The following CDC42BPB variants were observed in gnomAD, a reference collection of about 807,000 sequenced individuals.
CDC42BPB encodes CDC42 binding protein kinase beta, also known as serine/threonine-protein kinase MRCK beta.
A neutral mutation model predicts 214.9 loss-of-function variants in CDC42BPB; 37 were observed. The ratio of observed to expected loss-of-function variants is 0.17; its 90% CI spans 0.13 to 0.23. CDC42BPB has a LOEUF of 0.23. Among genes scored for constraint, CDC42BPB ranks in the 10% least tolerant of loss-of-function variants. The pLI is 1.00. For synonymous variants in CDC42BPB, 931 were observed against 884.0 expected, an observed-to-expected ratio of 1.05 and a Z score of -0.94; for missense variants, 1,694 against 2,227.0, an observed-to-expected ratio of 0.76 and a Z score of 4.82.
At chr14:103,038,637 C>T (rs559435897) in intron 1 of CDC42BPB, among the ~76,000 whole-genome samples, 2 of 150,810 alleles carry the variant, frequency 1.3e-5, no homozygotes, top group African/African-American at 4.9e-5. Context: ...AGCAATCCTC[C>T]CACCTCAGCC....
At chr14:102,936,361 G>T (rs1218466796) in intron 36 of CDC42BPB, among the ~76,000 whole-genome samples, 4 of 152,176 alleles carry the variant, frequency 2.6e-5, no homozygotes, top group Non-Finnish European at 5.9e-5. Flanking sequence ...TGCCTCAGGG[G>T]AAGAATGGGA....
Position 102,974,145 on chromosome 14 carries a change from T to G in CDC42BPB, c.1512A>C (p.Ser504=), listed in dbSNP as rs760537299. The G allele has an allele frequency of 6.2e-7, 1 of 1,613,456 alleles. No individual in the cohort carries two copies. The highest frequency in any genetic ancestry group is 1.1e-5 in the South Asian group (1 of 90,924). The part of the protein sequence containing the change: ...IERLKNKIAD[S]NRLERQLEDT... ...CCTCAAGCTGTCGCTCGAGCCTGTTTGAATCTGGACAAAAGAGGAAATAAA... is the reference window on the plus strand; with the variant it reads ...CCTCAAGCTGTCGCTCGAGCCTGTTGGAATCTGGACAAAAGAGGAAATAAA... Residue 504 remains serine, a synonymous_variant, in exon 12 of 37, where the codon TCA becomes TCC. Coordinates refer to ENST00000361246, the MANE Select transcript of CDC42BPB (RefSeq NM_006035.4).
chr14:103,049,034 A>C (rs1888459611), intron 1 of CDC42BPB, among the ~76,000 whole-genome samples: 1 of 152,252 alleles, frequency 6.6e-6, no homozygotes. Flanking sequence ...CTGAATTACC[A>C]ATTTAAACAA....
intron 21 of CDC42BPB, among the ~76,000 whole-genome samples, chr14:102,959,323 C>T (rs898910465): frequency 1.3e-5 from 2 of 151,234 alleles, no homozygotes; most frequent in South Asian, 4.2e-4. Flanking sequence ...ATACTCACTA[C>T]ACAGCTGAGG....
chr14:102,945,584 A>G lies in CDC42BPB; in HGVS notation c.3811+78T>C, dbSNP rs1232264728. The G allele has an allele frequency of 3.9e-6, 5 of 1,291,126 alleles. No homozygotes were observed. The African/African-American group carries it at 7.3e-5, about 19-fold the overall frequency. 80.0% of individuals were successfully genotyped at this position (1,291,126 alleles called of 1,614,324 possible). A position where few individuals can be genotyped will look rare whatever the true frequency, so the allele number is the denominator to read the frequency against. ...AAGCGCATTTGTCTTAACCCTTAGG[A>G]GCTACTGACCCTGTGCTGTCTGCAG... On this transcript the variant is annotated intron_variant, in intron 29 of 36. Coordinates refer to ENST00000361246, the MANE Select transcript of CDC42BPB (RefSeq NM_006035.4).
At position 102,975,971 on chromosome 14, in the gene CDC42BPB, G is replaced by T; in HGVS notation, c.1299C>A (p.Asp433Glu). 3 of 1,614,178 alleles carry T rather than the reference G, an allele frequency of 1.9e-6. No individual in the cohort carries two copies. Among genetic ancestry groups the T allele is most frequent in the Non-Finnish European group, 2.5e-6 (3 of 1,180,040 alleles). The stretch of plus-strand genomic sequence containing the variant: ...CTTCCATCTGCAGGCTGTGCTCCAG[G>T]TCCCGCTGCACATCCTCATCTTTGG... ...TLTKDEDVQR[D>E]LEHSLQMEAY... The change falls in exon 10 of 37, where the codon GAC becomes GAA. Residue 433 changes from aspartate to glutamate, a missense_variant. Physicochemically the swap from Asp to Glu is conservative, Grantham distance 45. Transcript: ENST00000361246.
intron 4 of CDC42BPB, chr14:103,000,019 C>T: frequency 8.8e-6 from 4 of 453,318 alleles, no homozygotes; most frequent in Non-Finnish European, 1.2e-5. Flanking sequence ...TGACCCAAAG[C>T]AGAAGCACAG....
intron 21 of CDC42BPB, among the ~76,000 whole-genome samples, chr14:102,958,751 T>C (rs879788937): frequency 6.6e-6 from 1 of 152,082 alleles, no homozygotes; most frequent in Non-Finnish European, 1.5e-5. Flanking sequence ...ACTGTTCCCA[T>C]CAACCACCTT....
Position 102,968,531 on chromosome 14 carries a change from C to T in CDC42BPB, c.2181G>A (p.Leu727=). The T allele has an allele frequency of 1.2e-6, 2 of 1,614,206 alleles. No individual in the cohort carries two copies. The highest frequency in any genetic ancestry group is 2.2e-5 in the South Asian group (2 of 91,086). ...KEVHDSESHQ[L]ALQKEILMLK... ...ACATCAAGATTTCTTTCTGCAGGGC[C>T]AGCTGGTGGCTTTCTGAATCATGCA... Residue 727 remains leucine (L), a synonymous_variant, in exon 15 of 37, where the codon CTG becomes CTA. Transcript: ENST00000361246.
chr14:103,005,918 G>A (rs1047813118), intron 3 of CDC42BPB, among the ~76,000 whole-genome samples: 6 of 151,576 alleles, frequency 4.0e-5, no homozygotes, highest in African/African-American at 1.5e-4. Context: ...TACTCGGGAG[G>A]CTGAGGCAGA....
chr14:103,050,372 G>A (rs935356854), intron 1 of CDC42BPB, among the ~76,000 whole-genome samples: 8 of 152,232 alleles, frequency 5.3e-5, no homozygotes, highest in African/African-American at 1.7e-4. Context: ...TTAGAGGGCT[G>A]TTTGCCCAGA....
chr14:102,978,062 G>A (rs1893837482), intron 9 of CDC42BPB, 64 bp downstream of exon 9: 1 of 1,252,960 alleles, frequency 8.0e-7, no homozygotes, highest in Non-Finnish European at 1.2e-6. Context: ...ACAGACTGTG[G>A]TGTCTGACTG....
At position 102,991,745 on chromosome 14, in the gene CDC42BPB, C is replaced by T. The variant is rs11160709; in HGVS notation, c.597-5165G>A. ...AAAAGTATATGGGTGCTTTTTGTAC[C>T]GTTCTTGCAACCCTTGTATAAGACT... On this transcript the variant is annotated intron_variant, in intron 5 of 36. Coordinates refer to ENST00000361246, the MANE Select transcript of CDC42BPB (RefSeq NM_006035.4). Among the ~76,000 whole-genome samples, 1,085 of 152,114 alleles carry T rather than the reference C, an allele frequency of 7.1e-3. 14 individuals are homozygous for T. Among genetic ancestry groups the T allele is most frequent in the African/African-American group, 0.022 (925 of 41,484 alleles).
In CDC42BPB at chr14:102,977,939, T is replaced by C. The variant is rs75472680; in HGVS notation, c.1220+187A>G. On this transcript the variant is annotated intron_variant, in intron 9 of 36. Coordinates refer to ENST00000361246, the MANE Select transcript of CDC42BPB (RefSeq NM_006035.4). ...AGAGAAAAAGCCTGCAACCTTGCTATGGTATCACCTGTAGTCATCAGGTGT... is the reference window on the plus strand; with the variant it reads ...AGAGAAAAAGCCTGCAACCTTGCTACGGTATCACCTGTAGTCATCAGGTGT... Among the ~76,000 whole-genome samples the C allele has an allele frequency of 3.9e-5, 6 of 152,340 alleles. No individual in the cohort carries two copies. In the South Asian group the frequency reaches 8.3e-4, roughly 21 times the overall value.
At chr14:102,946,225 G>A (rs573641478) in intron 28 of CDC42BPB, among the ~76,000 whole-genome samples, 112 of 151,926 alleles carry the variant, frequency 7.4e-4, no homozygotes, top group South Asian at 2.5e-3. Context: ...GGGTTTCACC[G>A]TGTTAGCCAG....
At chr14:103,010,177 C>A (rs1250604370) in intron 2 of CDC42BPB, among the ~76,000 whole-genome samples, 3 of 152,176 alleles carry the variant, frequency 2.0e-5, no homozygotes, top group Non-Finnish European at 4.4e-5. Flanking sequence ...GTCACAACTA[C>A]TCAGGAGGCT....
intron 5 of CDC42BPB, among the ~76,000 whole-genome samples, chr14:102,988,919 T>C (rs1224171609): frequency 6.6e-6 from 1 of 151,068 alleles, no homozygotes; most frequent in Non-Finnish European, 1.5e-5. Context: ...TTTCTTTTTC[T>C]GGGAGTAAGG....
chr14:102,975,481 C>T (rs1223742110), intron 11 of CDC42BPB, among the ~76,000 whole-genome samples: 1 of 152,172 alleles, frequency 6.6e-6, no homozygotes, highest in Non-Finnish European at 1.5e-5. Context: ...TGAGATCGCA[C>T]CACTGCACTC....
chr14:103,037,389 G>C (rs1887722953), intron 1 of CDC42BPB, among the ~76,000 whole-genome samples: 1 of 152,064 alleles, frequency 6.6e-6, no homozygotes, highest in Admixed American at 6.6e-5. Flanking sequence ...ACCTCCCCAG[G>C]CTCAAGCAAT....
Sources: gnomAD v4.1 joint callset for allele counts (sites outside exome capture counted in the v4.1 genomes callset) on GRCh38, gnomAD v4.1.1 for gene constraint, MANE v1.5 for transcripts, NCBI Gene and HGNC (gene_info 2026-07-23, HGNC 2026-07-21) for gene names.